The following ST18 variants were observed in gnomAD, a reference collection of about 807,000 sequenced individuals.
The protein encoded by ST18 is ST18 C2H2C-type zinc finger transcription factor.
ST18 carries 50 observed loss-of-function variants against 110.0 expected under a neutral mutation model. The observed-to-expected ratio is 0.45, with a 90% CI of 0.36 to 0.58. ST18 has a LOEUF of 0.58. Among genes scored for constraint, ST18 ranks in the 20% least tolerant of loss-of-function variants. The pLI is 0.00. For synonymous variants in ST18, 461 were observed against 452.4 expected (o/e 1.02, Z -0.24); for missense variants, 1,306 against 1,280.1 (o/e 1.02, Z -0.31).
chr8:52,169,141 C>G (rs1261722198), intron 10 of ST18, among the ~76,000 whole-genome samples: 1 of 152,150 alleles, frequency 6.6e-6, no homozygotes, highest in Non-Finnish European at 1.5e-5. Flanking sequence ...CTGTAAGTCC[C>G]TCCTCTGCTG....
intron 2 of ST18, among the ~76,000 whole-genome samples, chr8:52,364,730 G>A (rs755098565): frequency 2.0e-5 from 3 of 152,164 alleles, no homozygotes; most frequent in Non-Finnish European, 4.4e-5. Context: ...GAGGGTGACC[G>A]TTGGAAGAGG....
chr8:52,163,644 G>A (rs752299369), intron 13 of ST18, among the ~76,000 whole-genome samples: 1 of 152,208 alleles, frequency 6.6e-6, no homozygotes, highest in African/African-American at 2.4e-5. Context: ...GCAGAAAGGT[G>A]ATGAAGGAGT....
chr8:52,165,893 TGTA>T (rs1387577281), intron 11 of ST18, among the ~76,000 whole-genome samples: 1 of 152,214 alleles, frequency 6.6e-6, no homozygotes, highest in Non-Finnish European at 1.5e-5. Context: ...AAGTGGAAGA[TGTA>T]ACAGGTCGAT....
intron 8 of ST18, among the ~76,000 whole-genome samples, chr8:52,190,263 C>T (rs1312043575): frequency 6.6e-6 from 1 of 151,280 alleles, no homozygotes; most frequent in African/African-American, 2.4e-5. Flanking sequence ...TCCCAAGATA[C>T]CTCATTATGT....
chr8:52,380,976 C>T (rs1164604258), intron 2 of ST18, among the ~76,000 whole-genome samples: 1 of 152,196 alleles, frequency 6.6e-6, no homozygotes, highest in Non-Finnish European at 1.5e-5. Flanking sequence ...ACAATCATCT[C>T]TCCTTCTGGT....
At chr8:52,287,961 T>A (rs1194942319) in intron 2 of ST18, among the ~76,000 whole-genome samples, 1 of 152,184 alleles carries the variant, frequency 6.6e-6, no homozygotes, top group African/African-American at 2.4e-5. Flanking sequence ...AGTTTTCCCA[T>A]GCAAAGAGCT....
intron 2 of ST18, among the ~76,000 whole-genome samples, chr8:52,271,061 G>A (rs1189894151): frequency 6.6e-6 from 1 of 152,010 alleles, no homozygotes; most frequent in African/African-American, 2.4e-5. Flanking sequence ...GCCACGCCCA[G>A]CTAATTTTTT....
chr8:52,327,129 TCTTC>T (rs1413212304), intron 2 of ST18, among the ~76,000 whole-genome samples: 2 of 152,318 alleles, frequency 1.3e-5, no homozygotes, highest in East Asian at 3.9e-4. Context: ...AAGTGATAAT[TCTTC>T]TATGCTGTCT....
intron 10 of ST18, among the ~76,000 whole-genome samples, chr8:52,167,812 C>T (rs905534042): frequency 1.3e-5 from 2 of 152,078 alleles, no homozygotes; most frequent in African/African-American, 2.4e-5. Context: ...CGGGAGCAGC[C>T]GGTCATGGTA....
chr8:52,114,675 G>C lies in ST18; in HGVS notation c.3004-1337C>G, dbSNP rs918938844. Among the ~76,000 whole-genome samples, 7 of 152,276 alleles carry C rather than the reference G, an allele frequency of 4.6e-5. No individual in the cohort carries two copies. The East Asian group carries it at 1.4e-3, about 29-fold the overall frequency. On this transcript the variant is annotated intron_variant, in intron 25 of 25. Coordinates refer to ENST00000689386, the MANE Select transcript of ST18 (RefSeq NM_001352837.2). ...TGTTTCTTGGAGAGTCAGGGGATTG[G>C]ATGGGAACCCAGGTAGCACAGTGGG...
chr8:52,409,676 C>T lies in ST18; in HGVS notation c.-718G>A, dbSNP rs866060938. The T allele has an allele frequency of 6.6e-6, 1 of 152,224 alleles. No individual in the cohort carries two copies. The highest frequency in any genetic ancestry group is 2.4e-5 in the African/African-American group (1 of 41,462). 9.4% of individuals were successfully genotyped at this position (152,224 alleles called of 1,614,324 possible). ...ACAGTTACCTCAATTATTTTTCTCT[C>T]CTTACCTCTAGTATTCCCCTGAGGT... On this transcript the variant is annotated 5_prime_UTR_variant, in exon 1 of 26. Coordinates refer to ENST00000689386, the MANE Select transcript of ST18 (RefSeq NM_001352837.2).
At chr8:52,370,716 G>A (rs1829954873) in intron 2 of ST18, among the ~76,000 whole-genome samples, 1 of 152,148 alleles carries the variant, frequency 6.6e-6, no homozygotes, top group Non-Finnish European at 1.5e-5. Flanking sequence ...TTCTGACTCT[G>A]TAGGTTTGAG....
chr8:52,234,058 T>C (rs2092151161), intron 2 of ST18, among the ~76,000 whole-genome samples: 2 of 152,188 alleles, frequency 1.3e-5, no homozygotes, highest in Non-Finnish European at 2.9e-5. Context: ...CAATCCTTCT[T>C]GGTTTTCTGT....
At chr8:52,209,049 A>G (rs2081187581) in intron 8 of ST18, among the ~76,000 whole-genome samples, 1 of 152,222 alleles carries the variant, frequency 6.6e-6, no homozygotes, top group Admixed American at 6.5e-5. Flanking sequence ...AATTAGTTAA[A>G]ATGAAATATG....
At chr8:52,245,806 C>T (rs758290522) in intron 2 of ST18, among the ~76,000 whole-genome samples, 56 of 152,190 alleles carry the variant, frequency 3.7e-4, no homozygotes, top group Non-Finnish European at 6.8e-4. Context: ...ATAGTCTGAT[C>T]TAAAATGCTC....
At chr8:52,288,726 A>G (rs1312506902) in intron 2 of ST18, among the ~76,000 whole-genome samples, 1 of 152,068 alleles carries the variant, frequency 6.6e-6, no homozygotes, top group African/African-American at 2.4e-5. Context: ...AAAGGAAAAA[A>G]GAAAAAGAGT....
At chr8:52,210,358 C>T (rs1386521932) in intron 8 of ST18, among the ~76,000 whole-genome samples, 1 of 152,126 alleles carries the variant, frequency 6.6e-6, no homozygotes, top group Non-Finnish European at 1.5e-5. Context: ...TATCAAAATA[C>T]TTTCAAAATT....
At chr8:52,239,359 A>G (rs919322970) in intron 2 of ST18, among the ~76,000 whole-genome samples, 7 of 152,224 alleles carry the variant, frequency 4.6e-5, no homozygotes, top group Non-Finnish European at 1.0e-4. Flanking sequence ...TATGTGAATT[A>G]TATCTCAAGA....
At chr8:52,243,741 A>G (rs866585304) in intron 2 of ST18, among the ~76,000 whole-genome samples, 10 of 152,230 alleles carry the variant, frequency 6.6e-5, no homozygotes, top group African/African-American at 2.4e-4. Flanking sequence ...TGCCACATAT[A>G]TCATCATTGT....
Sources: gnomAD v4.1 joint callset for allele counts (sites outside exome capture counted in the v4.1 genomes callset) on GRCh38, gnomAD v4.1.1 for gene constraint, MANE v1.5 for transcripts, NCBI Gene and HGNC (gene_info 2026-07-23, HGNC 2026-07-21) for gene names.